KLF12: variants seen among roughly 807,000 people sequenced by gnomAD.
KLF12 encodes KLF transcription factor 12.
KLF12 carries 9 observed loss-of-function variants against 37.8 expected under a neutral mutation model. The observed-to-expected ratio is 0.24, with a 90% CI of 0.14 to 0.42. KLF12 has a LOEUF of 0.42. Ranked by LOEUF, KLF12 falls within the 10% of genes least tolerant of loss-of-function variation. The probability of loss-of-function intolerance (pLI) is 1.00; values close to 1 mark genes in which losing one functional copy is unlikely to be tolerated. For missense variants in KLF12, 411 were observed against 516.0 expected (o/e 0.80, Z 1.97); for synonymous variants, 208 against 202.1 (o/e 1.03, Z -0.25).
the KLF12 span, among the ~76,000 whole-genome samples, chr13:74,180,141 T>C: frequency 6.6e-6 from 1 of 152,174 alleles, no homozygotes; most frequent in South Asian, 2.1e-4. Flanking sequence ...AATGCATAGG[T>C]TTCTCTATGG....
chr13:74,185,640 T>C, the KLF12 span, among the ~76,000 whole-genome samples: 1 of 152,050 alleles, frequency 6.6e-6, no homozygotes. Context: ...ATGACTTTGG[T>C]AAGACTTCTA....
chr13:73,916,439 G>A (rs1888852468), intron 3 of KLF12, among the ~76,000 whole-genome samples: 2 of 152,048 alleles, frequency 1.3e-5, no homozygotes, highest in East Asian at 1.9e-4. Flanking sequence ...TAGCAGAGGA[G>A]CCACGAGGTT....
chr13:74,081,079 C>T (rs1332097696), intron 1 of KLF12, among the ~76,000 whole-genome samples: 1 of 152,152 alleles, frequency 6.6e-6, no homozygotes, highest in Non-Finnish European at 1.5e-5. Context: ...CAGTACCAAC[C>T]CTGGTCCAGA....
chr13:74,258,934 C>T, the KLF12 span: 2 of 152,262 alleles, frequency 1.3e-5, no homozygotes, highest in Non-Finnish European at 2.9e-5. Flanking sequence ...CCGGTGCTCT[C>T]TCCTGAAAGA....
At chr13:74,018,789 T>C (rs1241467851) in intron 1 of KLF12, among the ~76,000 whole-genome samples, 1 of 152,202 alleles carries the variant, frequency 6.6e-6, no homozygotes, top group Non-Finnish European at 1.5e-5. Flanking sequence ...TGGGCCACTG[T>C]TCAGATCATT....
At chr13:74,015,937 T>C (rs1692891016) in intron 1 of KLF12, among the ~76,000 whole-genome samples, 1 of 152,144 alleles carries the variant, frequency 6.6e-6, no homozygotes, top group Admixed American at 6.5e-5. Flanking sequence ...CCTTTTATCA[T>C]GGTAAAGGCA....
intron 1 of KLF12, among the ~76,000 whole-genome samples, chr13:74,082,791 A>G (rs1874991991): frequency 6.6e-6 from 1 of 152,092 alleles, no homozygotes; most frequent in Admixed American, 6.6e-5. Context: ...GAAAGAAAGG[A>G]TTTTTTCCAT....
At chr13:74,067,991 A>G (rs1886518) in intron 1 of KLF12, among the ~76,000 whole-genome samples, 177 of 152,318 alleles carry the variant, frequency 1.2e-3, no homozygotes, top group African/African-American at 4.1e-3. Flanking sequence ...AGATTAACCA[A>G]TGAGCTCCAT....
At chr13:74,180,921 C>T in the KLF12 span, among the ~76,000 whole-genome samples, 2 of 152,128 alleles carry the variant, frequency 1.3e-5, no homozygotes, top group African/African-American at 2.4e-5. Context: ...ATGTAGTCTG[C>T]TCAAATTTTA....
At chr13:74,147,253 A>G in the KLF12 span, among the ~76,000 whole-genome samples, 1 of 151,908 alleles carries the variant, frequency 6.6e-6, no homozygotes, top group Non-Finnish European at 1.5e-5. Flanking sequence ...TCCCTTGGGG[A>G]ACAAGTGCAC....
intron 1 of KLF12, among the ~76,000 whole-genome samples, chr13:74,126,257 G>A (rs1307131528): frequency 6.6e-6 from 1 of 152,032 alleles, no homozygotes; most frequent in Non-Finnish European, 1.5e-5. Context: ...TTTAATAAAG[G>A]ATGGAATCTA....
the KLF12 span, among the ~76,000 whole-genome samples, chr13:74,295,430 T>C: frequency 6.6e-6 from 1 of 152,214 alleles, no homozygotes; most frequent in East Asian, 1.9e-4. Flanking sequence ...TTTTGCTCTC[T>C]TCCCTAAGGA....
At chr13:73,924,106 A>G (rs1268940101) in intron 3 of KLF12, among the ~76,000 whole-genome samples, 11 of 152,264 alleles carry the variant, frequency 7.2e-5, no homozygotes, top group Admixed American at 6.5e-4. Flanking sequence ...CATGCAAAGC[A>G]TATACACAGG....
At chr13:74,305,947 T>A in the KLF12 span, among the ~76,000 whole-genome samples, 4 of 152,168 alleles carry the variant, frequency 2.6e-5, no homozygotes, top group African/African-American at 9.6e-5. Flanking sequence ...CTGAAATTAG[T>A]TTAAGCAGGG....
intron 3 of KLF12, among the ~76,000 whole-genome samples, chr13:73,873,241 T>C (rs933294444): frequency 1.3e-4 from 20 of 152,224 alleles, no homozygotes; most frequent in African/African-American, 3.4e-4. Context: ...AAATCACTTA[T>C]AGTAAACTCA....
intron 1 of KLF12, among the ~76,000 whole-genome samples, chr13:74,113,127 C>T (rs1266122079): frequency 2.6e-5 from 4 of 152,026 alleles, no homozygotes; most frequent in East Asian, 3.8e-4. Flanking sequence ...CGTTGGAAGC[C>T]GGAAGAGTTT....
At chr13:74,018,920 A>C (rs1892769313) in intron 1 of KLF12, among the ~76,000 whole-genome samples, 2 of 152,200 alleles carry the variant, frequency 1.3e-5, no homozygotes, top group African/African-American at 2.4e-5. Flanking sequence ...GGCCTATTAC[A>C]CTGAAAAGAA....
chr13:74,174,106 A>C, the KLF12 span, among the ~76,000 whole-genome samples: 5 of 152,136 alleles, frequency 3.3e-5, no homozygotes, highest in Admixed American at 6.5e-5. Context: ...CAGATTAATG[A>C]CCTCTGCCCT....
At chr13:73,796,552 T>TA (rs928194002) in intron 5 of KLF12, among the ~76,000 whole-genome samples, 3 of 150,792 alleles carry the variant, frequency 2.0e-5, no homozygotes, top group African/African-American at 7.3e-5. Flanking sequence ...TGTGTGTTAT[T>TA]AAATCTTCTT....
Sources: allele counts gnomAD v4.1 joint callset (sites outside exome capture counted in the v4.1 genomes callset), GRCh38; gene constraint gnomAD v4.1.1; transcripts MANE v1.5; gene names NCBI Gene and HGNC (gene_info 2026-07-23, HGNC 2026-07-21).